LACC1: variants seen among roughly 807,000 people sequenced by gnomAD.
LACC1 encodes the protein laccase domain multifunctional purine nucleosidase 1.
Under a neutral mutation model 34.8 loss-of-function variants are expected in LACC1, and 25 were observed. That is an observed-to-expected ratio of 0.72 (90% CI 0.52 to 1.00). The LOEUF (loss-of-function observed/expected upper bound fraction) is 1.00, where lower values mean the gene tolerates loss of function less well. Among genes scored for constraint, LACC1 ranks in the 50% least tolerant of loss-of-function variants. LACC1 has a pLI of 0.00. For synonymous variants in LACC1, 162 were observed against 168.0 expected (o/e 0.96, Z 0.28); for missense variants, 426 against 511.2 (o/e 0.83, Z 1.61).
Position 43,883,758 on chromosome 13 carries a change from T to C in LACC1, c.742-13T>C, listed in dbSNP as rs763230832. On this transcript the variant is annotated splice_polypyrimidine_tract_variant and intron_variant, in intron 3 of 6. Coordinates refer to ENST00000325686, the MANE Select transcript of LACC1 (RefSeq NM_153218.4). ...ATTTCCAAAACATTTTTGTTGCACA[T>C]TTTTGGTATTAGACTCATCATTCCA... The C allele has an allele frequency of 1.3e-6, 2 of 1,575,444 alleles. No individual in the cohort carries two copies. Among genetic ancestry groups the C allele is most frequent in the Non-Finnish European group, 8.6e-7 (1 of 1,158,410 alleles).
rs141648770 is a variant in LACC1, at chr13:43,893,758, A to C, written c.*2311A>C. The C allele has an allele frequency of 6.6e-6, 1 of 152,162 alleles. No homozygotes were observed. Among genetic ancestry groups the C allele is most frequent in the Non-Finnish European group, 1.5e-5 (1 of 67,876 alleles). The allele number at this position is 152,162 out of a possible 1,614,324, so 9.4% of individuals were successfully genotyped here. ...ATCCAAAATATTATTTTGTTTAATG[A>C]AAATGATGAAGATTAAGGAATACTT... On this transcript the variant is annotated 3_prime_UTR_variant, in exon 7 of 7. Coordinates refer to ENST00000325686, the MANE Select transcript of LACC1 (RefSeq NM_153218.4).
intron 1 of LACC1, 110 bp from the exon 2 acceptor site, chr13:43,880,842 G>A (rs1954980764): frequency 1.4e-6 from 1 of 702,426 alleles, no homozygotes; most frequent in Non-Finnish European, 2.3e-6. Flanking sequence ...TACTATTTTA[G>A]TTACATTTTA....
intron 3 of LACC1, among the ~76,000 whole-genome samples, 167 bp from the exon 4 acceptor site, chr13:43,883,604 A>G (rs549707428): frequency 1.2e-4 from 18 of 152,314 alleles, no homozygotes; most frequent in African/African-American, 3.1e-4. Flanking sequence ...TAGTTAAATT[A>G]TAAGTAAATT....
chr13:43,885,979 C>T (rs565567559), intron 4 of LACC1, among the ~76,000 whole-genome samples: 2 of 151,962 alleles, frequency 1.3e-5, no homozygotes, highest in South Asian at 2.1e-4. Flanking sequence ...AAGACTTACA[C>T]GTGGTCAACA....
At chr13:43,879,778 T>TGGGCGAGGTGGGCGAGGTGAGGCGGGGC (rs1555394141), upstream of LACC1, 2,320 of 103,114 alleles carry the variant, frequency 0.022, 66 homozygotes, top group Admixed American at 0.057. Flanking sequence ...GGGGGCGAGG[T>TGGGCGAGGTGGGCGAGGTGAGGCGGGGC]GAGGCGGGGC....
At position 43,881,199 on chromosome 13, in the gene LACC1, C is replaced by G. The variant is rs760385768; in HGVS notation, c.214C>G (p.Leu72Val). 9 of 1,614,136 alleles carry G rather than the reference C, an allele frequency of 5.6e-6. No individual in the cohort carries two copies. Among genetic ancestry groups the G allele is most frequent in the Non-Finnish European group, 7.6e-6 (9 of 1,180,010 alleles). Residue 72 changes from leucine (L) to valine (V), a missense_variant, in exon 2 of 7, where the codon CTC (leucine) becomes GTC (valine). Transcript: ENST00000325686. ...EIETSNGLSA[L>V]LEEFEIVSCP... is the part of the protein sequence containing the mutation. ...AGAAACAAGCAATGGATTATCAGCT[C>G]TCTTGGAAGAATTTGAGATTGTTAG...
intron 1 of LACC1, 80 bp from the exon 2 acceptor site, chr13:43,880,872 G>A (rs1435661737): frequency 5.3e-6 from 5 of 948,044 alleles, no homozygotes; most frequent in East Asian, 2.6e-5. Context: ...TAATTACTTC[G>A]TTTTTAATCT....
intron 4 of LACC1, among the ~76,000 whole-genome samples, chr13:43,886,140 C>T (rs1028963524): frequency 6.6e-5 from 10 of 152,162 alleles, no homozygotes; most frequent in Non-Finnish European, 1.0e-4. Context: ...AAAGGAAATG[C>T]TTACACACTG....
rs143527109 is a variant in LACC1, at chr13:43,881,187, G to A, written c.202G>A (p.Gly68Arg). 2.3e-5 allele frequency: 37 copies of A among 1,614,108 alleles called. No individual in the cohort carries two copies. The African/African-American group carries it at 4.5e-4, about 20-fold the overall frequency. ...QDNCEIETSNGLSALLEEFEI... is the reference protein window; with the variant it reads ...QDNCEIETSNRLSALLEEFEI... The stretch of plus-strand genomic sequence containing the variant: ...TAATTGTGAAATAGAAACAAGCAAT[G>A]GATTATCAGCTCTCTTGGAAGAATT... Residue 68 changes from glycine to arginine, a missense_variant, in exon 2 of 7, where the codon GGA (glycine) becomes AGA (arginine). Physicochemically the swap from Gly to Arg is moderately radical, Grantham distance 125 (BLOSUM62 -2). Around this residue, in one of 2 missense-constraint regions of LACC1, gnomAD observed 217 missense variants for 210.9 expected, o/e 1.03. Coordinates refer to ENST00000325686, the MANE Select transcript of LACC1 (RefSeq NM_153218.4).
rs369707164 is a variant in LACC1 at position 43,881,147 on chromosome 13, G to A, written c.162G>A (p.Arg54=). 14 of 1,613,982 alleles carry A rather than the reference G, an allele frequency of 8.7e-6. No homozygotes were observed. The highest frequency in any genetic ancestry group is 1.1e-5 in the Non-Finnish European group (13 of 1,180,024). Residue 54 remains arginine (R), a synonymous_variant, in exon 2 of 7, where the codon AGG becomes AGA. Transcript: ENST00000325686. The stretch of plus-strand genomic sequence containing the variant: ...GTTGCAGTAACATCAGCTATGAAAG[G>A]GATGGAGAACAAGATAATTGTGAAA... The part of the protein sequence containing the change: ...IMCCSNISYE[R]DGEQDNCEIE...
Position 43,882,311 on chromosome 13 carries a change from G to T in LACC1, c.689G>T (p.Arg230Leu). 6.2e-7 allele frequency: 1 copy of T among 1,613,890 alleles called. No homozygotes were observed. Among genetic ancestry groups the T allele is most frequent in the Non-Finnish European group, 8.5e-7 (1 of 1,179,894 alleles). The change falls in exon 3 of 7, where the codon CGT becomes CTT. Residue 230 changes from arginine (R) to leucine (L), a missense_variant. Physicochemically the swap from Arg to Leu is moderately radical, Grantham distance 102. Around this residue, in one of 2 missense-constraint regions of LACC1, gnomAD observed 209 missense variants for 300.3 expected, o/e 0.70. Transcript: ENST00000325686. ...DPKVVVQENL[R>L]RLANAAGFNV... The stretch of plus-strand genomic sequence containing the variant: ...AAGGTAGTGGTTCAAGAAAATCTGC[G>T]TAGGTTGGCGAATGCTGCAGGATTT...
chr13:43,884,035 T>C (rs1043849231), intron 4 of LACC1, 99 bp downstream of exon 4: 1 of 958,964 alleles, frequency 1.0e-6, no homozygotes. Flanking sequence ...GTTAATTACA[T>C]TACACTGTGG....
chr13:43,889,124 A>G lies in LACC1; in HGVS notation c.1133+142A>G, dbSNP rs1386001316. 1.8e-5 allele frequency: 11 copies of G among 620,090 alleles called. No homozygotes were observed. In the East Asian group the frequency reaches 2.8e-4, roughly 16 times the overall value. 38.4% of individuals were successfully genotyped at this position (620,090 alleles called of 1,614,324 possible). A position where few individuals can be genotyped will look rare whatever the true frequency, so the allele number is the denominator to read the frequency against. ...AGCTGACATGCACATGTACACAAAC[A>G]CTCATTTTAAATATGAAATCTGTTT... On this transcript the variant is annotated intron_variant, in intron 5 of 6. Transcript: ENST00000325686.
At chr13:43,889,103 G>A in intron 5 of LACC1, 121 bp downstream of exon 5, 1 of 719,562 alleles carries the variant, frequency 1.4e-6, no homozygotes. Context: ...TTAAGCAGCT[G>A]ACATGCACAT....
chr13:43,883,641 T>C, intron 3 of LACC1, 130 bp from the exon 4 acceptor site: 1 of 534,322 alleles, frequency 1.9e-6, no homozygotes, highest in Non-Finnish European at 3.0e-6. Flanking sequence ...ATAAAAGTGA[T>C]ATATTTAATG....
At chr13:43,883,094 C>A (rs918896657) in intron 3 of LACC1, among the ~76,000 whole-genome samples, 1 of 152,192 alleles carries the variant, frequency 6.6e-6, no homozygotes, top group Admixed American at 6.5e-5. Flanking sequence ...AGGTGCAAAC[C>A]TCACACAGTC....
chr13:43,880,899 G>A (rs1954985934), intron 1 of LACC1, 53 bp from the exon 2 acceptor site: 1 of 1,154,868 alleles, frequency 8.7e-7, no homozygotes, highest in East Asian at 2.5e-5. Context: ...AATTTCTGTT[G>A]TAACTATAAG....
At chr13:43,889,119 C>CA in intron 5 of LACC1, 137 bp downstream of exon 5, 1 of 634,376 alleles carries the variant, frequency 1.6e-6, no homozygotes, top group Non-Finnish European at 2.7e-6. Flanking sequence ...CACATGTACA[C>CA]AAACACTCAT....
rs1014337172 is a variant in LACC1, at chr13:43,892,517, G to A, written c.*1070G>A. On this transcript the variant is annotated 3_prime_UTR_variant, in exon 7 of 7. Coordinates refer to ENST00000325686, the MANE Select transcript of LACC1 (RefSeq NM_153218.4). ...GCAACAAAGGGAGGGAGAAGGTTTGGAAAAAGAGAGAAGGATAATGAGTTT... is the reference window on the plus strand; with the variant it reads ...GCAACAAAGGGAGGGAGAAGGTTTGAAAAAAGAGAGAAGGATAATGAGTTT... 2.0e-5 allele frequency: 3 copies of A among 151,932 alleles called. No homozygotes were observed. The highest frequency in any genetic ancestry group is 7.2e-5 in the African/African-American group (3 of 41,414). 9.4% of individuals were successfully genotyped at this position (151,932 alleles called of 1,614,324 possible).
Sources: gnomAD v4.1 joint callset for allele counts (sites outside exome capture counted in the v4.1 genomes callset) on GRCh38, gnomAD v4.1.1 for gene constraint, gnomAD v4.1.1 regional missense constraint, MANE v1.5 for transcripts, NCBI Gene and HGNC (gene_info 2026-07-23, HGNC 2026-07-21) for gene names.